Variants in TBC1D23 observed in about 807,000 individuals in gnomAD.
TBC1D23 encodes HCV non-structural protein 4A-transactivated protein 1.
Under a neutral mutation model 91.4 loss-of-function variants are expected in TBC1D23, and 55 were observed. That is an observed-to-expected ratio of 0.60 (90% CI 0.48 to 0.75). The LOEUF (loss-of-function observed/expected upper bound fraction) is 0.75, where lower values mean the gene tolerates loss of function less well. Among genes scored for constraint, TBC1D23 ranks in the 30% least tolerant of loss-of-function variants. The pLI is 0.00. For missense variants in TBC1D23, 725 were observed against 836.1 expected, an observed-to-expected ratio of 0.87 and a Z score of 1.64; for synonymous variants, 289 against 281.0, an observed-to-expected ratio of 1.03 and a Z score of -0.28.
chr3:100,288,151 G>A (rs777080835), intron 4 of TBC1D23, among the ~76,000 whole-genome samples: 7 of 151,536 alleles, frequency 4.6e-5, no homozygotes, highest in Admixed American at 2.0e-4. Context: ...AGGCTAAGTG[G>A]GGAGGATCAC....
At position 100,324,199 on chromosome 3, in the gene TBC1D23, T is replaced by C. The variant is rs1280363236; in HGVS notation, c.*531T>C. ...AGTGAAATCTTTTTAATGGAATGGT[T>C]GAAGATTCCTGCCAACTCAAAATAC... On this transcript the variant is annotated 3_prime_UTR_variant, in exon 19 of 19. Coordinates refer to ENST00000394144, the MANE Select transcript of TBC1D23 (RefSeq NM_001199198.3). 2.6e-5 allele frequency: 4 copies of C among 152,192 alleles called. No homozygotes were observed. Among genetic ancestry groups the C allele is most frequent in the Admixed American group, 2.6e-4 (4 of 15,284 alleles). The allele number at this position is 152,192 out of a possible 1,614,324, so 9.4% of individuals were successfully genotyped here. A position where few individuals can be genotyped will look rare whatever the true frequency, so the allele number is the denominator to read the frequency against.
chr3:100,277,805 A>G (rs1353482460), intron 1 of TBC1D23, among the ~76,000 whole-genome samples: 4 of 152,232 alleles, frequency 2.6e-5, no homozygotes, highest in Non-Finnish European at 5.9e-5. Flanking sequence ...CATTTTGGCC[A>G]GAAGAGAAGA....
In TBC1D23 at chr3:100,295,367, A is replaced by G. The variant is rs771076986; in HGVS notation, c.772+19A>G. On this transcript the variant is annotated intron_variant, in intron 7 of 18. Coordinates refer to ENST00000394144, the MANE Select transcript of TBC1D23 (RefSeq NM_001199198.3). The stretch of plus-strand genomic sequence containing the variant: ...GTTATCAGTAAGTATCATTTAATGT[A>G]GTGAAAACATTTCAGGTCTCTTTAT... The G allele has an allele frequency of 1.3e-6, 2 of 1,587,630 alleles. No homozygotes were observed.
At chr3:100,317,594 A>T (rs1318460686) in intron 16 of TBC1D23, among the ~76,000 whole-genome samples, 3 of 152,184 alleles carry the variant, frequency 2.0e-5, no homozygotes, top group African/African-American at 4.8e-5. Context: ...ATTTTAATAG[A>T]TACATGAAAT....
At chr3:100,307,283 T>G (rs966368429) in intron 13 of TBC1D23, among the ~76,000 whole-genome samples, 5 of 152,212 alleles carry the variant, frequency 3.3e-5, no homozygotes, top group African/African-American at 9.7e-5. Context: ...TGATTATTCT[T>G]TAAAACAGAA....
At position 100,323,684 on chromosome 3, in the gene TBC1D23, T is replaced by G; in HGVS notation, c.*16T>G. On this transcript the variant is annotated 3_prime_UTR_variant, in exon 19 of 19. Transcript: ENST00000394144. Reference sequence around the variant, plus strand: ...GGAAAGTTAATATAAAAGAAAATTATATAAAAAGAAATTAAGACAACCAAG... The same window carrying G: ...GGAAAGTTAATATAAAAGAAAATTAGATAAAAAGAAATTAAGACAACCAAG... The G allele has an allele frequency of 1.5e-6, 2 of 1,374,762 alleles. No individual in the cohort carries two copies. Among genetic ancestry groups the G allele is most frequent in the Non-Finnish European group, 2.0e-6 (2 of 1,020,640 alleles). The allele number at this position is 1,374,762 out of a possible 1,614,324, so 85.2% of individuals were successfully genotyped here. A position where few individuals can be genotyped will look rare whatever the true frequency, so the allele number is the denominator to read the frequency against.
At chr3:100,311,504 C>T (rs367867144) in intron 14 of TBC1D23, among the ~76,000 whole-genome samples, 150 of 152,242 alleles carry the variant, frequency 9.9e-4, no homozygotes, top group Middle Eastern at 3.4e-3. Flanking sequence ...GTTATGTCTT[C>T]TCAAAAGCTA....
intron 4 of TBC1D23, among the ~76,000 whole-genome samples, chr3:100,285,608 G>C (rs1303393044): frequency 1.3e-5 from 2 of 152,172 alleles, no homozygotes; most frequent in East Asian, 3.8e-4. Context: ...AAGGGGAATT[G>C]CTGGACCATA....
intron 16 of TBC1D23, among the ~76,000 whole-genome samples, chr3:100,318,639 C>T (rs893949556): frequency 2.0e-5 from 3 of 150,100 alleles, no homozygotes; most frequent in Non-Finnish European, 4.4e-5. Flanking sequence ...GAATTGATTG[C>T]GTTATTCTTT....
intron 1 of TBC1D23, among the ~76,000 whole-genome samples, chr3:100,271,120 C>G (rs2067595887): frequency 6.6e-6 from 1 of 151,976 alleles, no homozygotes; most frequent in Admixed American, 6.6e-5. Context: ...CTATTAATAT[C>G]TTAAGTGTTT....
At chr3:100,279,152 T>C (rs553690774) in intron 1 of TBC1D23, among the ~76,000 whole-genome samples, 1 of 152,344 alleles carries the variant, frequency 6.6e-6, no homozygotes, top group Non-Finnish European at 1.5e-5. Context: ...CAGTAACTTT[T>C]TAATACCAAT....
At chr3:100,304,742 T>C in intron 11 of TBC1D23, 104 bp from the exon 12 acceptor site, 1 of 668,882 alleles carries the variant, frequency 1.5e-6, no homozygotes, top group East Asian at 2.7e-5. Context: ...AGCCCGGTAA[T>C]TTAATGTATC....
At chr3:100,291,912 C>A (rs918083680) in intron 5 of TBC1D23, among the ~76,000 whole-genome samples, 3 of 150,810 alleles carry the variant, frequency 2.0e-5, no homozygotes, top group African/African-American at 7.3e-5. Context: ...ATTACAGGTG[C>A]CGGCCACCAT....
At chr3:100,286,198 T>G (rs2067740575) in intron 4 of TBC1D23, among the ~76,000 whole-genome samples, 2 of 152,234 alleles carry the variant, frequency 1.3e-5, no homozygotes, top group African/African-American at 4.8e-5. Flanking sequence ...TTTGTTGTAC[T>G]AGGTCTCTCA....
intron 17 of TBC1D23, among the ~76,000 whole-genome samples, chr3:100,319,557 T>C (rs915519848): frequency 6.6e-6 from 1 of 151,954 alleles, no homozygotes; most frequent in African/African-American, 2.4e-5. Flanking sequence ...GCCTCCAGAG[T>C]AGCTGGGATT....
intron 4 of TBC1D23, among the ~76,000 whole-genome samples, chr3:100,289,396 C>T (rs1404591869): frequency 6.6e-6 from 1 of 152,000 alleles, no homozygotes; most frequent in Non-Finnish European, 1.5e-5. Flanking sequence ...CTAACAAATC[C>T]TCTGGGCTCG....
intron 1 of TBC1D23, among the ~76,000 whole-genome samples, chr3:100,267,946 G>A (rs903599068): frequency 6.6e-6 from 1 of 152,136 alleles, no homozygotes; most frequent in Admixed American, 6.5e-5. Flanking sequence ...CAAGGTGGGA[G>A]GATTGCTTGA....
chr3:100,262,723 C>CAAAAAAAAAA (rs1174689237), intron 1 of TBC1D23, among the ~76,000 whole-genome samples: 1 of 51,412 alleles, frequency 1.9e-5, no homozygotes, highest in Non-Finnish European at 3.5e-5. Context: ...GGCTCGGTCT[C>CAAAAAAAAAA]AAAAAAAAAA....
At chr3:100,292,105 T>C (rs1051093285) in intron 5 of TBC1D23, among the ~76,000 whole-genome samples, 6 of 152,192 alleles carry the variant, frequency 3.9e-5, no homozygotes, top group African/African-American at 9.7e-5. Flanking sequence ...CATGTAGGCG[T>C]TGGAAAATTC....
Sources: gnomAD v4.1 joint callset for allele counts (sites outside exome capture counted in the v4.1 genomes callset) on GRCh38, gnomAD v4.1.1 for gene constraint, MANE v1.5 for transcripts, NCBI Gene and HGNC (gene_info 2026-07-23, HGNC 2026-07-21) for gene names.